Variants in AGFG1 observed in about 807,000 individuals in gnomAD.
AGFG1 encodes arf-GAP domain and FG repeat-containing protein 1.
A neutral mutation model predicts 60.6 loss-of-function variants in AGFG1; 10 were observed. The ratio of observed to expected loss-of-function variants is 0.16; its 90% confidence interval spans 0.10 to 0.28. The LOEUF (loss-of-function observed/expected upper bound fraction) is 0.28. AGFG1 is among the 10% of genes least tolerant of loss of function. The probability of loss-of-function intolerance (pLI) is 1.00; values close to 1 mark genes in which losing one functional copy is unlikely to be tolerated. For synonymous variants in AGFG1, 247 were observed against 242.9 expected, an observed-to-expected ratio of 1.02 and a Z score of -0.16; for missense variants, 537 against 676.5, an observed-to-expected ratio of 0.79 and a Z score of 2.29.
rs1215989242 is a variant in AGFG1 at position 227,523,796 on chromosome 2, A to G, written c.411A>G (p.Ala137=). The change falls in exon 4 of 13, where the codon GCA becomes GCG. Residue 137 remains alanine (A), a synonymous_variant. Transcript: ENST00000310078. ...CGCCAGAACAAGCCAAAGTCGTGGC[A>G]TCAGTTCATGCATCTATTTCAGGGT... ...YVPPEQAKVV[A]SVHASISGSS... 1 of 1,613,710 alleles carries G rather than the reference A, an allele frequency of 6.2e-7. No individual in the cohort carries two copies. Among genetic ancestry groups the G allele is most frequent in the East Asian group, 2.2e-5 (1 of 44,874 alleles).
At chr2:227,534,077 G>A (rs1470836082) in intron 7 of AGFG1, among the ~76,000 whole-genome samples, 1 of 152,020 alleles carries the variant, frequency 6.6e-6, no homozygotes, top group Non-Finnish European at 1.5e-5. Context: ...GCTGAATGGA[G>A]GATTATTTGG....
chr2:227,559,114 T>C lies in AGFG1; in HGVS notation c.*4619T>C, dbSNP rs974768206. ...AAAAAGTCCAATTATTGTGCTCTTA[T>C]AGGGGTTGCACATTCAAGGCTTACA... On this transcript the variant is annotated 3_prime_UTR_variant, in exon 13 of 13. Coordinates refer to ENST00000310078, the MANE Select transcript of AGFG1 (RefSeq NM_004504.5). 6.6e-6 allele frequency: 1 copy of C among 152,228 alleles called. No homozygotes were observed. The highest frequency in any genetic ancestry group is 1.5e-5 in the Non-Finnish European group (1 of 68,020). 9.4% of individuals were successfully genotyped at this position (152,228 alleles called of 1,614,324 possible). A position where few individuals can be genotyped will look rare whatever the true frequency, so the allele number is the denominator to read the frequency against.
chr2:227,546,573 G>A (rs757298702), intron 10 of AGFG1, among the ~76,000 whole-genome samples: 17 of 152,294 alleles, frequency 1.1e-4, no homozygotes, highest in Admixed American at 6.5e-4. Flanking sequence ...CGTCACTCAC[G>A]CTGGGAGCTG....
In AGFG1 at chr2:227,555,623, G is replaced by A. The variant is rs1048928434; in HGVS notation, c.*1128G>A. 2 of 152,446 alleles carry A rather than the reference G, an allele frequency of 1.3e-5. No individual in the cohort carries two copies. Among genetic ancestry groups the A allele is most frequent in the African/African-American group, 4.8e-5 (2 of 41,408 alleles). 9.4% of individuals were successfully genotyped at this position (152,446 alleles called of 1,614,324 possible). On this transcript the variant is annotated 3_prime_UTR_variant, in exon 13 of 13. Coordinates refer to ENST00000310078, the MANE Select transcript of AGFG1 (RefSeq NM_004504.5). ...GTTTGTTTTTTGGGGGAAAGAAACT[G>A]GAACTCAGTGTTACCTTAAAGTTAC... is the stretch of plus-strand genomic sequence containing the variant.
At chr2:227,491,237 C>A (rs1468518483) in intron 1 of AGFG1, among the ~76,000 whole-genome samples, 1 of 152,004 alleles carries the variant, frequency 6.6e-6, no homozygotes, top group Non-Finnish European at 1.5e-5. Flanking sequence ...TATGTATAGT[C>A]TTTTCATCAG....
At chr2:227,480,276 A>G (rs1476467985) in intron 1 of AGFG1, among the ~76,000 whole-genome samples, 1 of 152,166 alleles carries the variant, frequency 6.6e-6, no homozygotes, top group African/African-American at 2.4e-5. Flanking sequence ...TTACGACTCT[A>G]GGGGGAGATG....
At position 227,480,386 on chromosome 2, in the gene AGFG1, C is replaced by T. The variant is rs116358722; in HGVS notation, c.167+7798C>T. Among the ~76,000 whole-genome samples, 521 of 151,836 alleles carry T rather than the reference C, an allele frequency of 3.4e-3. 3 individuals are homozygous for T. The highest frequency in any genetic ancestry group is 0.012 in the African/African-American group (491 of 41,342). On this transcript the variant is annotated intron_variant, in intron 1 of 12. Transcript: ENST00000310078. ...TCAGATTCCAAAAATTCTTGTCTTT[C>T]CATATTTCTTATTTTATTTTATTTT...
intron 12 of AGFG1, among the ~76,000 whole-genome samples, 192 bp from the exon 13 acceptor site, chr2:227,554,244 C>T (rs557810735): frequency 2.0e-5 from 3 of 152,150 alleles, no homozygotes; most frequent in Non-Finnish European, 2.9e-5. Flanking sequence ...ATATGAAAGA[C>T]GTAGCACAGT....
intron 2 of AGFG1, among the ~76,000 whole-genome samples, chr2:227,497,761 T>TGG (rs1553541041): frequency 1.5e-5 from 1 of 65,160 alleles, no homozygotes; most frequent in Non-Finnish European, 3.3e-5. Flanking sequence ...TTTTTTTTTT[T>TGG]GGGGACGGAG....
rs1693086136 is a variant in AGFG1, at chr2:227,559,875, CAGGTTTTTTAAAGACTTTAA to C, written c.*5390_*5409del. On this transcript the variant is annotated 3_prime_UTR_variant, in exon 13 of 13. Coordinates refer to ENST00000310078, the MANE Select transcript of AGFG1 (RefSeq NM_004504.5). ...TTTCATAGAATGCTTTGGTTACAAT[CAGGTTTTTTAAAGACTTTAA>C]AGGTTTTTTGTATGCTATAATATAT... The C allele has an allele frequency of 6.6e-6, 1 of 152,072 alleles. No individual in the cohort carries two copies. The highest frequency in any genetic ancestry group is 1.5e-5 in the Non-Finnish European group (1 of 67,968). The allele number at this position is 152,072 out of a possible 1,614,324, so 9.4% of individuals were successfully genotyped here.
chr2:227,536,830 T>G (rs991935868), intron 9 of AGFG1, 71 bp from the exon 10 acceptor site: 1 of 1,541,452 alleles, frequency 6.5e-7, no homozygotes, highest in East Asian at 2.3e-5. Context: ...TTGATAAATA[T>G]AGTGAAATAA....
At chr2:227,529,238 T>C (rs1692090717) in intron 5 of AGFG1, among the ~76,000 whole-genome samples, 1 of 152,160 alleles carries the variant, frequency 6.6e-6, no homozygotes, top group Admixed American at 6.6e-5. Context: ...GAAATGTCTT[T>C]TTCCAGAGCC....
chr2:227,508,421 A>G (rs1432469927), intron 2 of AGFG1: 3 of 267,514 alleles, frequency 1.1e-5, no homozygotes, highest in East Asian at 8.5e-5. Flanking sequence ...TCTGAAGGTT[A>G]TATGACCAAA....
intron 11 of AGFG1, among the ~76,000 whole-genome samples, chr2:227,552,677 T>C (rs1575120971): frequency 6.6e-6 from 1 of 151,810 alleles, no homozygotes; most frequent in South Asian, 2.1e-4. Flanking sequence ...TTTTTCTTTT[T>C]TTTTTTTTTT....
Position 227,553,747 on chromosome 2 carries a change from C to T in AGFG1, c.1581C>T (p.Thr527=), listed in dbSNP as rs749909508. 1.9e-6 allele frequency: 3 copies of T among 1,613,462 alleles called. No homozygotes were observed. The highest frequency in any genetic ancestry group is 3.3e-4 in the Middle Eastern group (2 of 6,058). ...AAFGQTKPVV[T]PFGQVAAAGV... ...TTGGACAAACAAAGCCAGTAGTAAC[C>T]CCTTTTGGTCAAGTTGCAGCTGCTG... The change falls in exon 12 of 13, where the codon ACC becomes ACT. Residue 527 remains threonine (T), a synonymous_variant. Transcript: ENST00000310078.
chr2:227,546,296 G>A (rs776340855), intron 10 of AGFG1, among the ~76,000 whole-genome samples: 18 of 152,226 alleles, frequency 1.2e-4, no homozygotes, highest in Admixed American at 4.6e-4. Context: ...TGAGCCAGGC[G>A]CGGGATATAA....
At chr2:227,535,062 T>A in intron 8 of AGFG1, 37 bp downstream of exon 8, 1 of 1,449,870 alleles carries the variant, frequency 6.9e-7, no homozygotes, top group South Asian at 1.6e-5. Context: ...CTTTGTGTTT[T>A]ATCTTTTTTT....
intron 5 of AGFG1, among the ~76,000 whole-genome samples, chr2:227,526,096 G>C (rs1691981300): frequency 6.6e-6 from 1 of 151,988 alleles, no homozygotes. Context: ...TAAAACATTT[G>C]CTACATCTCA....
At chr2:227,475,682 T>C (rs1690261635) in intron 1 of AGFG1, among the ~76,000 whole-genome samples, 1 of 152,228 alleles carries the variant, frequency 6.6e-6, no homozygotes, top group South Asian at 2.1e-4. Flanking sequence ...GGTGTTATGC[T>C]AGGCCACTAC....
Sources: gnomAD v4.1 joint callset for allele counts (sites outside exome capture counted in the v4.1 genomes callset) on GRCh38, gnomAD v4.1.1 for gene constraint, MANE v1.5 for transcripts, NCBI Gene and HGNC (gene_info 2026-07-23, HGNC 2026-07-21) for gene names.